MINDY4: variants seen among roughly 807,000 people sequenced by gnomAD.
MINDY4 encodes probable ubiquitin carboxyl-terminal hydrolase MINDY-4.
In MINDY4, 68 loss-of-function variants were observed where a neutral mutation model predicts 87.0. The observed-to-expected ratio is 0.78, with a 90% CI of 0.64 to 0.96. The LOEUF (loss-of-function observed/expected upper bound fraction) is 0.96. MINDY4 is among the 40% of genes least tolerant of loss of function. The pLI is 0.00. For missense variants in MINDY4, 919 were observed against 928.2 expected, an observed-to-expected ratio of 0.99 and a Z score of 0.13; for synonymous variants, 379 against 363.2, an observed-to-expected ratio of 1.04 and a Z score of -0.50.
intron 5 of MINDY4, among the ~76,000 whole-genome samples, chr7:30,803,614 T>C (rs566209335): frequency 2.0e-5 from 3 of 152,252 alleles, no homozygotes; most frequent in Admixed American, 2.0e-4. Flanking sequence ...GGGGGCAGTC[T>C]TATTCTTCAG....
At chr7:30,812,555 G>A (rs1187150892) in intron 5 of MINDY4, among the ~76,000 whole-genome samples, 2 of 152,146 alleles carry the variant, frequency 1.3e-5, no homozygotes, top group South Asian at 2.1e-4. Flanking sequence ...TGAGGTGATG[G>A]TATAAAACCC....
At chr7:30,823,095 A>T (rs542262841) in intron 5 of MINDY4, among the ~76,000 whole-genome samples, 3 of 152,178 alleles carry the variant, frequency 2.0e-5, no homozygotes, top group Admixed American at 6.5e-5. Context: ...GTGATGTTGT[A>T]TATTTCCTGT....
chr7:30,875,555 G>C lies in MINDY4; in HGVS notation c.1870G>C (p.Glu624Gln), dbSNP rs756696540. Residue 624 changes from glutamate (E) to glutamine (Q), a missense_variant, in exon 15 of 18, where the codon GAG becomes CAG. By Grantham distance (29) the Glu-to-Gln change is conservative. Coordinates refer to ENST00000265299, the MANE Select transcript of MINDY4 (RefSeq NM_032222.3). Reference protein sequence around the residue: ...AVSNVFNDVVELDSGDGNITL... With the variant: ...AVSNVFNDVVQLDSGDGNITL... Reference sequence around the variant, plus strand: ...GTCCAACGTTTTCAACGATGTGGTTGAGCTGGATTCTGGGGATGGGAACAT... The same window carrying C: ...GTCCAACGTTTTCAACGATGTGGTTCAGCTGGATTCTGGGGATGGGAACAT... The C allele has an allele frequency of 6.2e-7, 1 of 1,614,226 alleles. No homozygotes were observed. Among genetic ancestry groups the C allele is most frequent in the Non-Finnish European group, 8.5e-7 (1 of 1,180,042 alleles).
chr7:30,771,487 C>T lies in MINDY4; in HGVS notation c.-7C>T. 6.2e-7 allele frequency: 1 copy of T among 1,603,104 alleles called. No homozygotes were observed. The highest frequency in any genetic ancestry group is 1.3e-5 in the African/African-American group (1 of 75,000). ...TGGGCCTCGTGGGCAGAGCCAGAGC[C>T]AGAGCCATGGACAGCCTCTTCGTGG... On this transcript the variant is annotated 5_prime_UTR_variant, in exon 1 of 18. Coordinates refer to ENST00000265299, the MANE Select transcript of MINDY4 (RefSeq NM_032222.3).
chr7:30,812,282 G>C (rs1418799711), intron 5 of MINDY4, among the ~76,000 whole-genome samples: 1 of 119,810 alleles, frequency 8.3e-6, no homozygotes, highest in Admixed American at 8.9e-5. Flanking sequence ...GGGGGGGGGG[G>C]TATGTATGTA....
At chr7:30,856,898 T>C (rs1454113218) in intron 12 of MINDY4, among the ~76,000 whole-genome samples, 1 of 152,140 alleles carries the variant, frequency 6.6e-6, no homozygotes, top group African/African-American at 2.4e-5. Flanking sequence ...TTTGCCATTG[T>C]CAGAGCACTT....
chr7:30,852,798 T>G (rs1264621178), intron 11 of MINDY4, among the ~76,000 whole-genome samples: 1 of 152,282 alleles, frequency 6.6e-6, no homozygotes, highest in Non-Finnish European at 1.5e-5. Flanking sequence ...TTCAGCTACC[T>G]CTTGCCAACC....
chr7:30,785,904 AT>A lies in MINDY4; in HGVS notation c.576del (p.Asp192GlufsTer2). ...AAGCTTCACTCGGAGCCTTCCTTGG[AT>A]GTGAAGAGGATGGGAGAGAATTCCA... Reference protein sequence around the residue: ...IDKLHSEPSLDVKRMGENSRP... With the variant: ...IDKLHSEPSLXVKRMGENSRP... On this transcript the variant is annotated frameshift_variant, in exon 4 of 18. Coordinates refer to ENST00000265299, the MANE Select transcript of MINDY4 (RefSeq NM_032222.3). LOFTEE classifies it high-confidence loss of function. 6.2e-7 allele frequency: 1 copy of A among 1,614,198 alleles called. No homozygotes were observed.
At chr7:30,787,825 C>G (rs1584238183) in intron 4 of MINDY4, among the ~76,000 whole-genome samples, 1 of 152,310 alleles carries the variant, frequency 6.6e-6, no homozygotes, top group Non-Finnish European at 1.5e-5. Flanking sequence ...CTTTTAGCCT[C>G]AGGCTCTCTT....
chr7:30,878,652 G>A lies in MINDY4; in HGVS notation c.1971+2996G>A, dbSNP rs192233577. 2.1e-3 allele frequency among the ~76,000 whole-genome samples: 324 copies of A among 152,318 alleles called. 3 individuals carry two copies. The highest frequency in any genetic ancestry group is 7.6e-3 in the African/African-American group (315 of 41,566). On this transcript the variant is annotated intron_variant, in intron 15 of 17. Transcript: ENST00000265299. ...ACTGACAGTCCAGGAGGGATGGGGT[G>A]GGACAGGGAGTTTAGCCTCAGCACT...
chr7:30,804,543 A>G (rs1370623215), intron 5 of MINDY4, among the ~76,000 whole-genome samples: 3 of 152,192 alleles, frequency 2.0e-5, no homozygotes, highest in African/African-American at 7.2e-5. Flanking sequence ...CAGGATTAAG[A>G]AAAAGATGAG....
At chr7:30,884,489 G>A (rs1409261476) in intron 17 of MINDY4, among the ~76,000 whole-genome samples, 1 of 152,220 alleles carries the variant, frequency 6.6e-6, no homozygotes, top group Non-Finnish European at 1.5e-5. Context: ...GGTGACACTA[G>A]CCTTGGCATC....
At chr7:30,828,629 A>T (rs1312281536) in intron 5 of MINDY4, 50 bp from the exon 6 acceptor site, 1 of 1,581,004 alleles carries the variant, frequency 6.3e-7, no homozygotes, top group Non-Finnish European at 8.7e-7. Flanking sequence ...TCTGCCGTTT[A>T]CATTTCTCTG....
At chr7:30,881,586 C>T (rs976609012) in intron 15 of MINDY4, among the ~76,000 whole-genome samples, 4 of 152,198 alleles carry the variant, frequency 2.6e-5, no homozygotes, top group Admixed American at 6.5e-5. Flanking sequence ...TTACTTACCC[C>T]GGGCTCCTGG....
intron 11 of MINDY4, 199 bp downstream of exon 11, chr7:30,852,478 G>A (rs1002793868): frequency 1.1e-5 from 6 of 556,152 alleles, no homozygotes; most frequent in Non-Finnish European, 1.4e-5. Flanking sequence ...CTGGCTTTAC[G>A]GCCAAAAGGC....
intron 2 of MINDY4, chr7:30,780,340 T>C (rs1786969514): frequency 6.6e-6 from 1 of 152,236 alleles, no homozygotes; most frequent in Admixed American, 6.5e-5. Context: ...TCTGGTTACA[T>C]TGGGCTTTTA....
chr7:30,859,118 AC>A (rs754711606), intron 12 of MINDY4, 138 bp from the exon 13 acceptor site: 1 of 805,346 alleles, frequency 1.2e-6, no homozygotes, highest in Non-Finnish European at 2.2e-6. Context: ...CCTTCGGGCC[AC>A]CCAGCAACCC....
chr7:30,876,605 G>T (rs530924221), intron 15 of MINDY4, among the ~76,000 whole-genome samples: 1 of 152,314 alleles, frequency 6.6e-6, no homozygotes, highest in African/African-American at 2.4e-5. Context: ...GTGCTGAGGG[G>T]GCTGGGCAGA....
At position 30,840,767 on chromosome 7, in the gene MINDY4, C is replaced by T. The variant is rs1789005206; in HGVS notation, c.1364C>T (p.Pro455Leu). The T allele has an allele frequency of 6.2e-7, 1 of 1,614,030 alleles. No homozygotes were observed. The highest frequency in any genetic ancestry group is 8.5e-7 in the Non-Finnish European group (1 of 1,179,942). The part of the protein sequence containing the change: ...KYGIVQNKGG[P>L]CGVLAAVQGC... ...TGGTCTCATTCTTTGCAGGGTGGTCCTTGCGGAGTCCTGGCAGCTGTCCAA... is the reference window on the plus strand; with the variant it reads ...TGGTCTCATTCTTTGCAGGGTGGTCTTTGCGGAGTCCTGGCAGCTGTCCAA... The change falls in exon 9 of 18, where the codon CCT becomes CTT. Residue 455 changes from proline (P) to leucine (L), a missense_variant. Pro to Leu is a moderately conservative substitution (Grantham distance 98, BLOSUM62 -3). Transcript: ENST00000265299.
Sources: gnomAD v4.1 joint callset for allele counts (sites outside exome capture counted in the v4.1 genomes callset) on GRCh38, gnomAD v4.1.1 for gene constraint, MANE v1.5 for transcripts, NCBI Gene and HGNC (gene_info 2026-07-23, HGNC 2026-07-21) for gene names.